The following ST8SIA4 variants were observed in gnomAD, a reference collection of about 807,000 sequenced individuals.
ST8SIA4 encodes CMP-N-acetylneuraminate-poly-alpha-2,8-sialyltransferase.
Under a neutral mutation model 33.9 loss-of-function variants are expected in ST8SIA4, and 15 were observed. That is an observed-to-expected ratio of 0.44 (90% CI 0.30 to 0.68). The LOEUF is 0.68. ST8SIA4 is among the 30% of genes least tolerant of loss of function. ST8SIA4 has a pLI of 0.10. For synonymous variants in ST8SIA4, 171 were observed against 151.2 expected (o/e 1.13, Z -0.96); for missense variants, 321 against 428.0 (o/e 0.75, Z 2.21).
chr5:100,831,556 A>C (rs935235787), intron 4 of ST8SIA4, among the ~76,000 whole-genome samples: 2 of 152,022 alleles, frequency 1.3e-5, no homozygotes, highest in Non-Finnish European at 2.9e-5. Context: ...ATTCAATGAT[A>C]AAATAAATGT....
chr5:100,859,366 T>C (rs923189304), intron 3 of ST8SIA4, among the ~76,000 whole-genome samples: 4 of 152,138 alleles, frequency 2.6e-5, no homozygotes, highest in African/African-American at 9.6e-5. Flanking sequence ...TTTAAAATGA[T>C]GGACTTTGGT....
At chr5:100,874,458 A>C (rs1194795041) in intron 3 of ST8SIA4, among the ~76,000 whole-genome samples, 1 of 152,172 alleles carries the variant, frequency 6.6e-6, no homozygotes, top group Non-Finnish European at 1.5e-5. Flanking sequence ...GATGCTTTTC[A>C]GTGCAGCACA....
chr5:100,839,638 A>G (rs757951561), intron 4 of ST8SIA4, among the ~76,000 whole-genome samples: 6 of 152,004 alleles, frequency 3.9e-5, no homozygotes, highest in Non-Finnish European at 5.9e-5. Context: ...GATCTGTGAT[A>G]ACTTATATAA....
At chr5:100,870,409 G>T (rs1229669069) in intron 3 of ST8SIA4, among the ~76,000 whole-genome samples, 2 of 152,066 alleles carry the variant, frequency 1.3e-5, no homozygotes, top group African/African-American at 2.4e-5. Context: ...AATTTAATTT[G>T]TAAGGCTTTG....
chr5:100,814,631 C>T (rs548610773), intron 4 of ST8SIA4, among the ~76,000 whole-genome samples: 17 of 151,912 alleles, frequency 1.1e-4, no homozygotes, highest in African/African-American at 4.1e-4. Context: ...TAAGTAATAA[C>T]TTTCTAAAAA....
intron 4 of ST8SIA4, among the ~76,000 whole-genome samples, chr5:100,812,600 T>C (rs1198320649): frequency 6.6e-6 from 1 of 152,158 alleles, no homozygotes; most frequent in Non-Finnish European, 1.5e-5. Flanking sequence ...GCTTTATCTA[T>C]GTTATATCAA....
At chr5:100,835,992 G>A (rs963059727) in intron 4 of ST8SIA4, among the ~76,000 whole-genome samples, 2 of 151,998 alleles carry the variant, frequency 1.3e-5, no homozygotes, top group Admixed American at 1.3e-4. Context: ...TGTATTTCAA[G>A]ACACTTTATT....
intron 4 of ST8SIA4, among the ~76,000 whole-genome samples, chr5:100,817,823 C>T (rs1750960847): frequency 6.6e-6 from 1 of 152,116 alleles, no homozygotes. Flanking sequence ...AGTGATAGAT[C>T]TTAAATCTTC....
rs543439008 is a variant in ST8SIA4, at chr5:100,848,644, G to A, written c.797+7459C>T. On this transcript the variant is annotated intron_variant, in intron 4 of 4. Coordinates refer to ENST00000231461, the MANE Select transcript of ST8SIA4 (RefSeq NM_005668.6). ...TATATAAAGTCTGTACAGTGTGTGT[G>A]TATATATAACAGTAAATATGTATGT... 9.3e-4 allele frequency among the ~76,000 whole-genome samples: 140 copies of A among 150,030 alleles called. 2 individuals carry two copies. The highest frequency in any genetic ancestry group is 3.1e-3 in the African/African-American group (128 of 41,184).
At position 100,886,353 on chromosome 5, in the gene ST8SIA4, A is replaced by C. The variant is rs757279105; in HGVS notation, c.493T>G (p.Phe165Val). 1 of 1,613,326 alleles carries C rather than the reference A, an allele frequency of 6.2e-7. No homozygotes were observed. The highest frequency in any genetic ancestry group is 1.7e-5 in the Admixed American group (1 of 59,990). ...ECGKEIDSHNFVIRCNLAPVV... is the reference protein window; with the variant it reads ...ECGKEIDSHNVVIRCNLAPVV... ...CAGAAGAAAGCTCACCTTATTACAAAATTGTGACTGTCAATCTCCTTTCCA... is the reference window on the plus strand; with the variant it reads ...CAGAAGAAAGCTCACCTTATTACAACATTGTGACTGTCAATCTCCTTTCCA... The change falls in exon 3 of 5, where the codon TTT becomes GTT. Residue 165 changes from phenylalanine (F) to valine (V), a missense_variant. Physicochemically the swap from Phe to Val is conservative, Grantham distance 50. Transcript: ENST00000231461.
intron 3 of ST8SIA4, among the ~76,000 whole-genome samples, chr5:100,881,848 C>A (rs1288307285): frequency 2.0e-5 from 3 of 152,184 alleles, no homozygotes; most frequent in African/African-American, 7.2e-5. Flanking sequence ...TCCCCAGTTT[C>A]TCTTGCCACC....
At chr5:100,859,721 T>G in intron 3 of ST8SIA4, among the ~76,000 whole-genome samples, 1 of 152,090 alleles carries the variant, frequency 6.6e-6, no homozygotes, top group East Asian at 1.9e-4. Context: ...TATAAAATAT[T>G]TATTTTAGAA....
intron 1 of ST8SIA4, among the ~76,000 whole-genome samples, chr5:100,902,553 A>C (rs1752943528): frequency 6.6e-6 from 1 of 152,202 alleles, no homozygotes; most frequent in Admixed American, 6.5e-5. Context: ...GGACAAGGAC[A>C]CACGTTCTTT....
chr5:100,846,758 G>A (rs936807442), intron 4 of ST8SIA4, among the ~76,000 whole-genome samples: 11 of 152,028 alleles, frequency 7.2e-5, no homozygotes, highest in African/African-American at 1.2e-4. Context: ...TAGATATTTC[G>A]CAAAGCCTTT....
chr5:100,813,081 A>C, intron 4 of ST8SIA4, among the ~76,000 whole-genome samples: 1 of 152,046 alleles, frequency 6.6e-6, no homozygotes, highest in Non-Finnish European at 1.5e-5. Context: ...TCCAAACGTA[A>C]GGGGAATATT....
At chr5:100,851,473 G>A (rs1751696298) in intron 4 of ST8SIA4, among the ~76,000 whole-genome samples, 1 of 151,464 alleles carries the variant, frequency 6.6e-6, no homozygotes, top group African/African-American at 2.4e-5. Context: ...ATACATTATA[G>A]AAAAGTATAT....
At chr5:100,849,416 T>C (rs1751637442) in intron 4 of ST8SIA4, 1 of 985,324 alleles carries the variant, frequency 1.0e-6, no homozygotes, top group African/African-American at 1.7e-5. Flanking sequence ...TTAGTTAGAA[T>C]TGTTCAAATC....
intron 4 of ST8SIA4, among the ~76,000 whole-genome samples, chr5:100,837,629 T>C (rs537769665): frequency 2.4e-4 from 37 of 152,132 alleles, no homozygotes; most frequent in South Asian, 8.3e-4. Flanking sequence ...GTGAGCTGCT[T>C]GTCATCTCCT....
intron 4 of ST8SIA4, among the ~76,000 whole-genome samples, chr5:100,829,894 C>G (rs1280489895): frequency 2.1e-5 from 3 of 141,314 alleles, no homozygotes; most frequent in African/African-American, 8.0e-5. Context: ...GGCGACAGAG[C>G]GAGACTCCGT....
Sources: gnomAD v4.1 joint callset for allele counts (sites outside exome capture counted in the v4.1 genomes callset) on GRCh38, gnomAD v4.1.1 for gene constraint, MANE v1.5 for transcripts, NCBI Gene and HGNC (gene_info 2026-07-23, HGNC 2026-07-21) for gene names.